RAPGEF2: variants seen among roughly 807,000 people sequenced by gnomAD.
RAPGEF2 encodes the protein Rap guanine nucleotide exchange factor 2.
Under a neutral mutation model 186.7 loss-of-function variants are expected in RAPGEF2, and 54 were observed. That is an observed-to-expected ratio of 0.29 (90% CI 0.23 to 0.36). The LOEUF (loss-of-function observed/expected upper bound fraction) is 0.36. Ranked by LOEUF, RAPGEF2 falls within the 10% of genes least tolerant of loss-of-function variation. The probability of loss-of-function intolerance (pLI) is 1.00; values close to 1 mark genes in which losing one functional copy is unlikely to be tolerated. For missense variants in RAPGEF2, 1,532 were observed against 2,045.0 expected, an observed-to-expected ratio of 0.75 and a Z score of 4.84; for synonymous variants, 712 against 705.9, an observed-to-expected ratio of 1.01 and a Z score of -0.14.
chr4:159,247,234 C>A (rs1325466648), intron 7 of RAPGEF2, among the ~76,000 whole-genome samples: 1 of 151,992 alleles, frequency 6.6e-6, no homozygotes, highest in African/African-American at 2.4e-5. Context: ...CATTGAGTGC[C>A]CACCATGTTT....
chr4:159,150,637 C>T (rs1743438323), intron 1 of RAPGEF2, among the ~76,000 whole-genome samples: 1 of 152,216 alleles, frequency 6.6e-6, no homozygotes, highest in East Asian at 1.9e-4. Context: ...GGGCCACTTG[C>T]TCAGCCCCAG....
intron 4 of RAPGEF2, among the ~76,000 whole-genome samples, chr4:159,214,152 A>G (rs191221245): frequency 1.1e-3 from 175 of 152,338 alleles, no homozygotes; most frequent in African/African-American, 4.0e-3. Flanking sequence ...AATATTTGCC[A>G]TAGGTGAATA....
intron 7 of RAPGEF2, among the ~76,000 whole-genome samples, chr4:159,245,143 A>G (rs1754478351): frequency 6.6e-6 from 1 of 152,066 alleles, no homozygotes; most frequent in South Asian, 2.1e-4. Context: ...TTTAATGTAC[A>G]CTTTTTAAAA....
intron 17 of RAPGEF2, chr4:159,332,948 T>C (rs1015473877): frequency 1.5e-5 from 4 of 265,496 alleles, no homozygotes; most frequent in African/African-American, 8.8e-5. Context: ...GGGTTTGGAC[T>C]TTTTAGTTTA....
At chr4:159,134,592 C>T (rs1481302682) in intron 1 of RAPGEF2, among the ~76,000 whole-genome samples, 1 of 152,182 alleles carries the variant, frequency 6.6e-6, no homozygotes, top group African/African-American at 2.4e-5. Context: ...TTTATTTCTG[C>T]CAGCAATGTA....
intron 19 of RAPGEF2, among the ~76,000 whole-genome samples, chr4:159,340,843 A>G (rs944790370): frequency 2.6e-5 from 4 of 152,114 alleles, no homozygotes; most frequent in African/African-American, 4.8e-5. Flanking sequence ...TCTTAATGCT[A>G]TTTTCAACAA....
At chr4:159,188,054 A>G (rs772523242) in intron 2 of RAPGEF2, among the ~76,000 whole-genome samples, 4 of 151,350 alleles carry the variant, frequency 2.6e-5, no homozygotes, top group Non-Finnish European at 4.4e-5. Context: ...GGGCAAAACC[A>G]CTGGGATTTT....
chr4:159,238,713 A>G, intron 4 of RAPGEF2, 96 bp from the exon 5 acceptor site: 1 of 761,152 alleles, frequency 1.3e-6, no homozygotes. Context: ...ATTGTTTTTA[A>G]TTTTTATTTA....
At chr4:159,278,690 A>G (rs1400340342) in intron 7 of RAPGEF2, among the ~76,000 whole-genome samples, 1 of 152,236 alleles carries the variant, frequency 6.6e-6, no homozygotes, top group Non-Finnish European at 1.5e-5. Context: ...CTCCAGAACC[A>G]GTAACTTGGA....
chr4:159,151,510 C>T (rs573159177), intron 1 of RAPGEF2, among the ~76,000 whole-genome samples: 35 of 152,232 alleles, frequency 2.3e-4, no homozygotes, highest in African/African-American at 8.2e-4. Context: ...GTATTAAGGG[C>T]CTGTTCTGCA....
intron 17 of RAPGEF2, among the ~76,000 whole-genome samples, chr4:159,334,138 A>G (rs1767075673): frequency 6.6e-6 from 1 of 152,254 alleles, no homozygotes; most frequent in Non-Finnish European, 1.5e-5. Flanking sequence ...ACAATGGATT[A>G]GGGCACCTGG....
rs1454035139 is a variant in RAPGEF2, at chr4:159,345,311, G to A, written c.3484G>A (p.Glu1162Lys). Residue 1162 changes from glutamate to lysine, a missense_variant, in exon 24 of 30, where the codon GAG becomes AAG. By Grantham distance (56) the Glu-to-Lys change is moderately conservative. Around this residue, in one of 4 missense-constraint regions of RAPGEF2, gnomAD observed 117 missense variants for 180.8 expected, o/e 0.65. Transcript: ENST00000691494. ...ESLQTLSLQCEPATNTLPKNP... is the reference protein window; with the variant it reads ...ESLQTLSLQCKPATNTLPKNP... ...TCTTCAGACATTATCTCTGCAGTGT[G>A]AGCCAGCAACCAACACATGTGAGTT... 2 of 1,614,140 alleles carry A rather than the reference G, an allele frequency of 1.2e-6. No individual in the cohort carries two copies. The highest frequency in any genetic ancestry group is 4.5e-5 in the East Asian group (2 of 44,890).
intron 2 of RAPGEF2, 117 bp from the exon 3 acceptor site, chr4:159,193,083 G>C: frequency 2.2e-6 from 1 of 452,168 alleles, no homozygotes. Context: ...ATAAATGATT[G>C]TGACAAACCA....
chr4:159,123,600 T>C (rs1369587180), intron 1 of RAPGEF2, among the ~76,000 whole-genome samples: 6 of 146,476 alleles, frequency 4.1e-5, no homozygotes, highest in Non-Finnish European at 7.6e-5. Context: ...GTGCAGTGGC[T>C]CGATCTCAGC....
intron 7 of RAPGEF2, among the ~76,000 whole-genome samples, chr4:159,294,634 T>TTCCTTCCTTCCTTC (rs1554029084): frequency 0.03 from 4,009 of 133,098 alleles, 130 homozygotes; most frequent in Non-Finnish European, 0.038. Context: ...AGCTTCCATT[T>TTCCTTCCTTCCTTC]CTTCCTTCCT....
chr4:159,163,313 C>G (rs1744920817), intron 1 of RAPGEF2, among the ~76,000 whole-genome samples: 1 of 152,078 alleles, frequency 6.6e-6, no homozygotes, highest in South Asian at 2.1e-4. Context: ...GTTAGTGCCT[C>G]ACATAATGAG....
Position 159,241,190 on chromosome 4 carries a change from T to G in RAPGEF2, c.358-11T>G. The G allele has an allele frequency of 2.7e-6, 4 of 1,483,938 alleles. No individual in the cohort carries two copies. Among genetic ancestry groups the G allele is most frequent in the African/African-American group, 1.4e-5 (1 of 71,276 alleles). 91.9% of individuals were successfully genotyped at this position (1,483,938 alleles called of 1,614,324 possible). A position where few individuals can be genotyped will look rare whatever the true frequency, so the allele number is the denominator to read the frequency against. On this transcript the variant is annotated splice_polypyrimidine_tract_variant and intron_variant, in intron 5 of 29. Coordinates refer to ENST00000691494, the MANE Select transcript of RAPGEF2 (RefSeq NM_001394067.2). ...TTTGGAGAAATGAAATTTTGGGGGG[T>G]TTTATTTCAGGTGGACTATATGGAT... is the stretch of plus-strand genomic sequence containing the variant.
intron 7 of RAPGEF2, among the ~76,000 whole-genome samples, chr4:159,268,621 G>A (rs1452688407): frequency 1.3e-5 from 2 of 152,170 alleles, no homozygotes; most frequent in African/African-American, 4.8e-5. Context: ...GTAGGTTTGA[G>A]TGTAGGAGGG....
chr4:159,248,381 G>C (rs1228124297), intron 7 of RAPGEF2, among the ~76,000 whole-genome samples: 1 of 152,188 alleles, frequency 6.6e-6, no homozygotes, highest in Non-Finnish European at 1.5e-5. Flanking sequence ...TTGGATGCCT[G>C]ATGCTTTATG....
Sources: gnomAD v4.1 joint callset for allele counts (sites outside exome capture counted in the v4.1 genomes callset) on GRCh38, gnomAD v4.1.1 for gene constraint, gnomAD v4.1.1 regional missense constraint, MANE v1.5 for transcripts, NCBI Gene and HGNC (gene_info 2026-07-23, HGNC 2026-07-21) for gene names.